Variants in IKZF1 observed in about 807,000 individuals in gnomAD.
IKZF1 encodes DNA-binding protein Ikaros.
Under a neutral mutation model 51.7 loss-of-function variants are expected in IKZF1, and 10 were observed. The observed-to-expected ratio is 0.19, with a 90% CI of 0.12 to 0.33. The LOEUF (loss-of-function observed/expected upper bound fraction) is 0.33, where lower values mean the gene tolerates loss of function less well. IKZF1 is among the 10% of genes least tolerant of loss of function. The pLI is 1.00. For missense variants in IKZF1, 484 were observed against 707.5 expected (o/e 0.68, Z 3.58); for synonymous variants, 280 against 282.3 (o/e 0.99, Z 0.08).
intron 1 of IKZF1, among the ~76,000 whole-genome samples, chr7:50,312,188 A>C (rs1440832580): frequency 6.6e-6 from 1 of 152,184 alleles, no homozygotes; most frequent in East Asian, 1.9e-4. Flanking sequence ...TTTATATTTG[A>C]GGAAGCTACC....
chr7:50,367,755 A>G (rs998150276), intron 3 of IKZF1: 5 of 458,350 alleles, frequency 1.1e-5, no homozygotes, highest in African/African-American at 9.9e-5. Flanking sequence ...TGAACCCATC[A>G]GTAATTGCTC....
intron 3 of IKZF1, among the ~76,000 whole-genome samples, chr7:50,371,369 C>T (rs1319302608): frequency 4.6e-5 from 7 of 152,234 alleles, no homozygotes; most frequent in East Asian, 1.9e-4. Context: ...CTCACATTCT[C>T]GCAGAGCCTC....
intron 1 of IKZF1, among the ~76,000 whole-genome samples, chr7:50,308,495 A>T (rs950361691): frequency 1.3e-5 from 2 of 152,160 alleles, no homozygotes; most frequent in Non-Finnish European, 2.9e-5. Flanking sequence ...CTTTTCTCCC[A>T]TGGCCATTTC....
At chr7:50,362,349 AT>A (rs1399435494) in intron 3 of IKZF1, among the ~76,000 whole-genome samples, 7 of 152,226 alleles carry the variant, frequency 4.6e-5, no homozygotes, top group African/African-American at 1.4e-4. Flanking sequence ...TGCCAGGGGC[AT>A]TTGGAGCTGA....
chr7:50,367,732 C>T (rs901075789), intron 3 of IKZF1: 6 of 374,138 alleles, frequency 1.6e-5, no homozygotes, highest in Non-Finnish European at 2.4e-5. Context: ...TGGGGCTGCA[C>T]CCTCTAAGAT....
chr7:50,356,316 G>A (rs888340181), intron 3 of IKZF1, among the ~76,000 whole-genome samples: 2 of 152,214 alleles, frequency 1.3e-5, no homozygotes, highest in African/African-American at 4.8e-5. Context: ...GGGGACAGAT[G>A]GTCTGGAGCC....
chr7:50,368,575 G>A (rs750557060), intron 3 of IKZF1: 70 of 528,768 alleles, frequency 1.3e-4, no homozygotes, highest in Non-Finnish European at 2.7e-5. Flanking sequence ...CATCGCTGCT[G>A]GAGCCAACGT....
In IKZF1 at chr7:50,376,826, CT is replaced by C. The variant is rs1810415484; in HGVS notation, c.421+34del. On this transcript the variant is annotated intron_variant, in intron 4 of 7. Coordinates refer to ENST00000331340, the MANE Select transcript of IKZF1 (RefSeq NM_006060.6). The surrounding 1 kb of genome is among the most constrained non-coding windows in gnomAD (Gnocchi z 4.5). ...CTGGCTCAGTTTTTCCTTTAGTGGC[CT>C]GGAGAAGGTGCATGGGGTTTGAAGG... 5 of 1,609,308 alleles carry C rather than the reference CT, an allele frequency of 3.1e-6. No individual in the cohort carries two copies. The highest frequency in any genetic ancestry group is 4.2e-6 in the Non-Finnish European group (5 of 1,176,604).
At chr7:50,315,031 C>T (rs773799425) in intron 1 of IKZF1, among the ~76,000 whole-genome samples, 21 of 152,256 alleles carry the variant, frequency 1.4e-4, no homozygotes, top group Non-Finnish European at 2.8e-4. Flanking sequence ...AGGGCCCACA[C>T]GGCCTGGAAG....
intron 3 of IKZF1, among the ~76,000 whole-genome samples, chr7:50,350,070 G>A (rs1801444521): frequency 6.6e-6 from 1 of 152,228 alleles, no homozygotes; most frequent in African/African-American, 2.4e-5. Context: ...GGGGCAGCAG[G>A]GTGTAGGGAG....
At chr7:50,307,051 A>G (rs1788986074) in intron 1 of IKZF1, among the ~76,000 whole-genome samples, 1 of 152,228 alleles carries the variant, frequency 6.6e-6, no homozygotes, top group Non-Finnish European at 1.5e-5. Flanking sequence ...GGCAGTGTGG[A>G]AGAGTTTTAA....
Position 50,371,414 on chromosome 7 carries a change from G to A in IKZF1, c.161-5119G>A, listed in dbSNP as rs967525208. On this transcript the variant is annotated intron_variant, in intron 3 of 7. Transcript: ENST00000331340. ...TGCATGTGTTCACTGCCATCAACAG[G>A]CCAACACCCACTTGTTCTTTTCTTC... Among the ~76,000 whole-genome samples, 5 of 152,296 alleles carry A rather than the reference G, an allele frequency of 3.3e-5. No individual in the cohort carries two copies. In the South Asian group the frequency reaches 1.0e-3, roughly 32 times the overall value.
At chr7:50,324,786 T>C in intron 2 of IKZF1, among the ~76,000 whole-genome samples, 1 of 152,148 alleles carries the variant, frequency 6.6e-6, no homozygotes, top group Admixed American at 6.6e-5. Context: ...AACTAAGAGT[T>C]ATTTGGATGT....
intron 3 of IKZF1, among the ~76,000 whole-genome samples, chr7:50,358,094 G>A (rs1416509599): frequency 2.0e-5 from 3 of 152,136 alleles, no homozygotes; most frequent in East Asian, 1.9e-4. Flanking sequence ...CATGTTACAC[G>A]CTCTTAGTTG....
chr7:50,311,474 C>T lies in IKZF1; in HGVS notation c.-15+6552C>T, dbSNP rs1239594245. On this transcript the variant is annotated intron_variant, in intron 1 of 7. Coordinates refer to ENST00000331340, the MANE Select transcript of IKZF1 (RefSeq NM_006060.6). Reference sequence around the variant, plus strand: ...GTCCTCAGTGGGCCAATCAATCAATCATGACTTCAGGTTATTTTTAATAAA... The same window carrying T: ...GTCCTCAGTGGGCCAATCAATCAATTATGACTTCAGGTTATTTTTAATAAA... 2.0e-5 allele frequency among the ~76,000 whole-genome samples: 3 copies of T among 152,308 alleles called. No individual in the cohort carries two copies. The East Asian group carries it at 5.8e-4, about 29-fold the overall frequency.
At chr7:50,346,622 A>G (rs756935556) in intron 3 of IKZF1, among the ~76,000 whole-genome samples, 11 of 152,130 alleles carry the variant, frequency 7.2e-5, no homozygotes, top group Non-Finnish European at 1.5e-5. Context: ...AGAACATTGC[A>G]CCCAAAGGGC....
chr7:50,379,323 T>A (rs978684671), intron 4 of IKZF1, among the ~76,000 whole-genome samples: 1 of 152,250 alleles, frequency 6.6e-6, no homozygotes, highest in South Asian at 2.1e-4. Context: ...TGCCCATGGC[T>A]GAGTCAGCTT....
chr7:50,363,142 G>A (rs541057900), intron 3 of IKZF1, among the ~76,000 whole-genome samples: 1 of 152,306 alleles, frequency 6.6e-6, no homozygotes, highest in South Asian at 2.1e-4. Context: ...AGCTGGGTCT[G>A]GGGGAAAAGA....
Position 50,400,367 on chromosome 7 carries a change from G to T in IKZF1, c.1300G>T (p.Ala434Ser), listed in dbSNP as rs749084924. ...NGLSLKEEHR[A>S]YDLLRAASEN... is the part of the protein sequence containing the mutation. ...GCTGTCGCTCAAGGAGGAGCACCGC[G>T]CCTACGACCTGCTGCGCGCCGCCTC... The change falls in exon 8 of 8, where the codon GCC (alanine) becomes TCC (serine). Residue 434 changes from alanine (A) to serine (S), a missense_variant. Physicochemically the swap from Ala to Ser is moderately conservative, Grantham distance 99. This residue lies in a region of IKZF1 where 72 missense variants were observed against 67.5 expected (regional missense o/e 1.07). Transcript: ENST00000331340. The surrounding 1 kb of genome is among the most constrained non-coding windows in gnomAD (Gnocchi z 5.4). 1.2e-6 allele frequency: 2 copies of T among 1,612,970 alleles called. No homozygotes were observed. The highest frequency in any genetic ancestry group is 8.5e-7 in the Non-Finnish European group (1 of 1,179,736).
Sources: gnomAD v4.1 joint callset for allele counts (sites outside exome capture counted in the v4.1 genomes callset) on GRCh38, gnomAD v4.1.1 for gene constraint, gnomAD v4.1.1 regional missense constraint, Gnocchi (gnomAD v3.1) non-coding constraint, MANE v1.5 for transcripts, NCBI Gene and HGNC (gene_info 2026-07-23, HGNC 2026-07-21) for gene names.